Variants in PRKAR1A observed in about 807,000 individuals in gnomAD.
PRKAR1A encodes cAMP-dependent protein kinase type I-alpha regulatory subunit.
In PRKAR1A, 3 loss-of-function variants were observed where a neutral mutation model predicts 52.0. The observed-to-expected ratio is 0.06, with a 90% CI of 0.03 to 0.15. The LOEUF (loss-of-function observed/expected upper bound fraction) is 0.15, where lower values mean the gene tolerates loss of function less well. PRKAR1A is among the 10% of genes least tolerant of loss of function. PRKAR1A has a pLI of 1.00. For missense variants in PRKAR1A, 240 were observed against 477.4 expected (o/e 0.50, Z 4.63); for synonymous variants, 188 against 168.4 (o/e 1.12, Z -0.90).
At chr17:68,486,261 A>G in the PRKAR1A span, among the ~76,000 whole-genome samples, 5 of 151,990 alleles carry the variant, frequency 3.3e-5, no homozygotes, top group African/African-American at 9.7e-5. Context: ...GCTTTGCAGG[A>G]AACTGTTCTA....
chr17:68,503,742 A>G, the PRKAR1A span, among the ~76,000 whole-genome samples: 1 of 152,248 alleles, frequency 6.6e-6, no homozygotes, highest in Non-Finnish European at 1.5e-5. Context: ...CTGAATAGAC[A>G]TTTCTCAAAA....
At chr17:68,430,698 C>T in the PRKAR1A span, among the ~76,000 whole-genome samples, 1 of 152,170 alleles carries the variant, frequency 6.6e-6, no homozygotes. Flanking sequence ...TGCAAAGGGA[C>T]CTGGGATGTC....
chr17:68,508,934 A>C (rs2085229617), upstream of PRKAR1A, among the ~76,000 whole-genome samples: 3 of 152,052 alleles, frequency 2.0e-5, no homozygotes. Flanking sequence ...TGGGTCTCCT[A>C]GGAAGTATAA....
the PRKAR1A span, among the ~76,000 whole-genome samples, chr17:68,437,764 A>G: frequency 2.6e-5 from 4 of 152,186 alleles, no homozygotes; most frequent in African/African-American, 9.6e-5. Flanking sequence ...CCATCAAACC[A>G]CTGAACCAAC....
chr17:68,457,194 A>G, the PRKAR1A span: 1 of 901,128 alleles, frequency 1.1e-6, no homozygotes, highest in Non-Finnish European at 1.6e-6. Context: ...GTACGGGGAT[A>G]ACAAGATCCC....
chr17:68,476,662 C>CTCTCTT, the PRKAR1A span, among the ~76,000 whole-genome samples: 1 of 150,940 alleles, frequency 6.6e-6, no homozygotes, highest in Admixed American at 6.6e-5. Flanking sequence ...CTCCCTCTCT[C>CTCTCTT]TCTCTCTTTC....
At chr17:68,433,909 A>G in the PRKAR1A span, among the ~76,000 whole-genome samples, 1 of 151,312 alleles carries the variant, frequency 6.6e-6, no homozygotes, top group African/African-American at 2.4e-5. Context: ...CAGCCTCCCA[A>G]GTAGCTGGGA....
intron 6 of PRKAR1A, among the ~76,000 whole-genome samples, chr17:68,525,378 C>T (rs781360308): frequency 2.0e-5 from 3 of 151,080 alleles, no homozygotes; most frequent in Admixed American, 6.6e-5. Flanking sequence ...GAAATGGGGA[C>T]AATAATAGCA....
chr17:68,493,922 T>C, the PRKAR1A span, among the ~76,000 whole-genome samples: 1 of 152,166 alleles, frequency 6.6e-6, no homozygotes, highest in Admixed American at 6.5e-5. Flanking sequence ...ATCTATTTCC[T>C]ACTTAAAGCC....
chr17:68,530,730 C>G lies in PRKAR1A; in HGVS notation c.*281C>G, dbSNP rs2085952343. The stretch of plus-strand genomic sequence containing the variant: ...TTCACCCTGGGCAGTGAGTGCCATG[C>G]TTTTTGGTGAGGGCAGATCCCAGCA... On this transcript the variant is annotated 3_prime_UTR_variant, in exon 11 of 11. Transcript: ENST00000589228. 1 of 1,350,738 alleles carries G rather than the reference C, an allele frequency of 7.4e-7. No homozygotes were observed. The highest frequency in any genetic ancestry group is 3.0e-5 in the Admixed American group (1 of 33,134). The allele number at this position is 1,350,738 out of a possible 1,614,324, so 83.7% of individuals were successfully genotyped here.
the PRKAR1A span, chr17:68,435,514 A>G: frequency 9.2e-7 from 1 of 1,091,364 alleles, no homozygotes; most frequent in East Asian, 2.4e-5. Flanking sequence ...GTGGGCCCAG[A>G]GACCAGTCAG....
the PRKAR1A span, among the ~76,000 whole-genome samples, chr17:68,467,745 T>G: frequency 6.6e-6 from 1 of 152,212 alleles, no homozygotes; most frequent in Non-Finnish European, 1.5e-5. Context: ...CTTTCCAATC[T>G]TATCTTTCAT....
the PRKAR1A span, among the ~76,000 whole-genome samples, chr17:68,505,027 G>A: frequency 6.6e-6 from 1 of 152,212 alleles, no homozygotes; most frequent in African/African-American, 2.4e-5. Flanking sequence ...GACAGGCGTG[G>A]TGGCTCACAT....
downstream of PRKAR1A, chr17:68,537,691 T>C (rs779968960): frequency 5.6e-6 from 9 of 1,613,640 alleles, no homozygotes; most frequent in Non-Finnish European, 7.6e-6. This position sits in a 1 kb window ranked among gnomAD's most constrained non-coding sequence, Gnocchi z 4.2. Flanking sequence ...GCTGAGTCTG[T>C]AGTCAGCTTG....
chr17:68,545,319 G>A (rs542477245), intron 11 of PRKAR1A, among the ~76,000 whole-genome samples: 6 of 152,266 alleles, frequency 3.9e-5, no homozygotes, highest in Admixed American at 2.0e-4. Context: ...GACACACTTC[G>A]GAGATATTGC....
the PRKAR1A span, among the ~76,000 whole-genome samples, chr17:68,496,818 C>CTTTTTTTTTTTTTT: frequency 2.6e-4 from 24 of 91,240 alleles, 1 homozygote; most frequent in African/African-American, 3.7e-4. Flanking sequence ...TTAGTTTTTA[C>CTTTTTTTTTTTTTT]TTTTTTTTTT....
At chr17:68,543,613 T>A in intron 11 of PRKAR1A, 1 of 1,613,052 alleles carries the variant, frequency 6.2e-7, no homozygotes. Context: ...GCCATCTCCA[T>A]GGGGCCAGAC....
At chr17:68,499,787 T>C in the PRKAR1A span, among the ~76,000 whole-genome samples, 3 of 152,242 alleles carry the variant, frequency 2.0e-5, no homozygotes, top group Non-Finnish European at 4.4e-5. Context: ...CACAGCTCTT[T>C]GCTGTGGGCT....
chr17:68,549,214 G>A (rs1184043431), intron 11 of PRKAR1A, among the ~76,000 whole-genome samples: 1 of 152,156 alleles, frequency 6.6e-6, no homozygotes, highest in Non-Finnish European at 1.5e-5. Context: ...AAGGCATCCG[G>A]CCAGGTGCAT....
Sources: allele counts gnomAD v4.1 joint callset (sites outside exome capture counted in the v4.1 genomes callset), GRCh38; gene constraint gnomAD v4.1.1; non-coding constraint Gnocchi (gnomAD v3.1); transcripts MANE v1.5; gene names NCBI Gene and HGNC (gene_info 2026-07-23, HGNC 2026-07-21).